The following CCDC3 variants were observed in gnomAD, a reference collection of about 807,000 sequenced individuals.
The protein encoded by CCDC3 is coiled-coil domain containing 3, also known as coiled-coil domain-containing protein 3.
Under a neutral mutation model 21.4 loss-of-function variants are expected in CCDC3, and 24 were observed. That is an observed-to-expected ratio of 1.12 (90% CI 0.81 to 1.58). CCDC3 has a LOEUF of 1.58. CCDC3 is among the 40% of genes most tolerant of loss of function. The pLI is 0.00. For synonymous variants in CCDC3, 186 were observed against 166.0 expected (o/e 1.12, Z -0.93); for missense variants, 425 against 360.9 (o/e 1.18, Z -1.44).
chr10:13,060,192 A>C (rs2782290), intron 4 of CCDC3, among the ~76,000 whole-genome samples: 10,540 of 152,212 alleles, frequency 0.069, 1,216 homozygotes, highest in African/African-American at 0.24. Flanking sequence ...TAGTGAGAAA[A>C]TGCTATTTTT....
At chr10:13,051,829 T>C (rs753725204) in intron 4 of CCDC3, among the ~76,000 whole-genome samples, 2 of 151,648 alleles carry the variant, frequency 1.3e-5, no homozygotes, top group African/African-American at 4.8e-5. Context: ...AGGCAACAGA[T>C]TGGGGGAACA....
intron 5 of CCDC3, among the ~76,000 whole-genome samples, chr10:13,032,585 G>A (rs1836319965): frequency 1.3e-5 from 2 of 152,152 alleles, no homozygotes; most frequent in Admixed American, 1.3e-4. Context: ...TGTATATTTA[G>A]AAAACCCCAT....
At chr10:13,055,631 A>G (rs976195421) in intron 4 of CCDC3, among the ~76,000 whole-genome samples, 1 of 152,128 alleles carries the variant, frequency 6.6e-6, no homozygotes, top group African/African-American at 2.4e-5. Flanking sequence ...TGCAAGAGAA[A>G]CGTGTGTACA....
Position 12,898,071 on chromosome 10 carries a change from G to A in CCDC3, c.*345C>T, listed in dbSNP as rs1162729754. 2.8e-5 allele frequency: 7 copies of A among 248,130 alleles called. No individual in the cohort carries two copies. Among genetic ancestry groups the A allele is most frequent in the Non-Finnish European group, 2.3e-5 (3 of 128,474 alleles). The allele number at this position is 248,130 out of a possible 1,614,324, so 15.4% of individuals were successfully genotyped here. Reference sequence around the variant, plus strand: ...TTTTTCTGAAATAAAGGCTAAGCACGTTGATGTCTTTTACACTAGAGATTC... The same window carrying A: ...TTTTTCTGAAATAAAGGCTAAGCACATTGATGTCTTTTACACTAGAGATTC... On this transcript the variant is annotated 3_prime_UTR_variant, in exon 3 of 3. Coordinates refer to ENST00000378825, the MANE Select transcript of CCDC3 (RefSeq NM_031455.4).
intron 2 of CCDC3, among the ~76,000 whole-genome samples, chr10:12,963,982 A>C (rs568433719): frequency 1.0e-3 from 154 of 152,336 alleles, no homozygotes; most frequent in African/African-American, 3.3e-3. Flanking sequence ...AAGCTAATTA[A>C]GCAGGCCTAC....
chr10:13,074,207 G>T (rs1836927066), intron 3 of CCDC3: 1 of 143,300 alleles, frequency 7.0e-6, no homozygotes, highest in Admixed American at 7.1e-5. Flanking sequence ...GCCCAGGCTG[G>T]AGTGCAATGG....
chr10:13,078,075 C>A (rs1349689086), intron 3 of CCDC3, among the ~76,000 whole-genome samples: 4 of 152,092 alleles, frequency 2.6e-5, no homozygotes, highest in African/African-American at 4.8e-5. Context: ...AACAGGCAAC[C>A]TACAGAATGG....
intron 4 of CCDC3, among the ~76,000 whole-genome samples, chr10:13,061,496 G>T (rs1254609820): frequency 6.6e-6 from 1 of 152,194 alleles, no homozygotes; most frequent in Non-Finnish European, 1.5e-5. Flanking sequence ...AGCCAAATAT[G>T]AATGACCATG....
At chr10:12,998,982 G>A (rs951485214) in intron 1 of CCDC3, among the ~76,000 whole-genome samples, 5 of 152,196 alleles carry the variant, frequency 3.3e-5, no homozygotes, top group African/African-American at 1.2e-4. Flanking sequence ...GCTCACACCT[G>A]TAACCCCAGC....
At chr10:13,011,357 G>T (rs1178859297) in intron 5 of CCDC3, among the ~76,000 whole-genome samples, 2 of 152,052 alleles carry the variant, frequency 1.3e-5, no homozygotes, top group African/African-American at 4.8e-5. Context: ...TACAAAATCA[G>T]TGTACAAAAA....
intron 5 of CCDC3, among the ~76,000 whole-genome samples, chr10:13,010,518 G>C (rs1207345353): frequency 6.6e-6 from 1 of 152,156 alleles, no homozygotes; most frequent in African/African-American, 2.4e-5. Flanking sequence ...ATGTACTGCT[G>C]GTGGAAATGT....
chr10:12,983,972 TG>T (rs1835546491), intron 2 of CCDC3, among the ~76,000 whole-genome samples: 2 of 152,108 alleles, frequency 1.3e-5, no homozygotes, highest in South Asian at 4.1e-4. Flanking sequence ...CTCAGCTACT[TG>T]GGAGACTGAG....
At chr10:13,087,984 TA>T (rs1837132828) in intron 3 of CCDC3, among the ~76,000 whole-genome samples, 1 of 152,152 alleles carries the variant, frequency 6.6e-6, no homozygotes, top group South Asian at 2.1e-4. Context: ...CACTAGTTGG[TA>T]AAAAGTCTTT....
intron 5 of CCDC3, among the ~76,000 whole-genome samples, chr10:13,026,237 T>C (rs549590428): frequency 5.0e-4 from 76 of 152,244 alleles, no homozygotes; most frequent in Non-Finnish European, 1.0e-3. Flanking sequence ...TTAAGAAGAA[T>C]TAAAGGGTCA....
chr10:12,906,088 G>A (rs1834166871), intron 2 of CCDC3, among the ~76,000 whole-genome samples: 1 of 152,206 alleles, frequency 6.6e-6, no homozygotes, highest in Admixed American at 6.5e-5. Context: ...AGAGATCTAT[G>A]AGGAGGTGGG....
In CCDC3 at chr10:12,898,598, C is replaced by A. The variant is rs1296318406; in HGVS notation, c.631G>T (p.Glu211Ter). The change falls in exon 3 of 3, where the codon GAG becomes TAG. Residue 211 changes from glutamate to a stop codon, truncating the protein, a stop_gained. Coordinates refer to ENST00000378825, the MANE Select transcript of CCDC3 (RefSeq NM_031455.4). LOFTEE classifies it high-confidence loss of function. The part of the protein sequence containing the change: ...KKLQQKVATL[E>*]KRNRQLRERV... ...TCCCGGAGCTGCCGGTTGCGCTTCT[C>A]CAGGGTGGCCACTTTCTGCTGCAGT... is the stretch of plus-strand genomic sequence containing the variant. 1 of 1,614,214 alleles carries A rather than the reference C, an allele frequency of 6.2e-7. No homozygotes were observed. Among genetic ancestry groups the A allele is most frequent in the Non-Finnish European group, 8.5e-7 (1 of 1,180,024 alleles).
rs1158119344 is a variant in CCDC3 at position 12,932,878 on chromosome 10, T to C, written c.550-34199A>G. On this transcript the variant is annotated intron_variant, in intron 2 of 2. Transcript: ENST00000378825. ...TGATAGTTTTCTCATTAACAGGTTTTAGATTTTGCTAAATGCTTTTTCTCC... is the reference window on the plus strand; with the variant it reads ...TGATAGTTTTCTCATTAACAGGTTTCAGATTTTGCTAAATGCTTTTTCTCC... Among the ~76,000 whole-genome samples, 6 of 152,226 alleles carry C rather than the reference T, an allele frequency of 3.9e-5. No homozygotes were observed. In the East Asian group the frequency reaches 9.6e-4, roughly 24 times the overall value.
chr10:13,058,246 G>T, intron 4 of CCDC3: 1 of 1,352,710 alleles, frequency 7.4e-7, no homozygotes, highest in Non-Finnish European at 1.0e-6. Context: ...CATCCAAATA[G>T]CAGGTAAAGG....
intron 2 of CCDC3, among the ~76,000 whole-genome samples, chr10:12,916,159 C>A (rs554238764): frequency 6.6e-6 from 1 of 152,164 alleles, no homozygotes; most frequent in Non-Finnish European, 1.5e-5. Flanking sequence ...CTGGGCCAGG[C>A]GCAGTGGTTC....
Sources: gnomAD v4.1 joint callset for allele counts (sites outside exome capture counted in the v4.1 genomes callset) on GRCh38, gnomAD v4.1.1 for gene constraint, MANE v1.5 for transcripts, NCBI Gene and HGNC (gene_info 2026-07-23, HGNC 2026-07-21) for gene names.